SNRPN: variants seen among roughly 807,000 people sequenced by gnomAD.
The protein encoded by SNRPN is small nuclear ribonucleoprotein-associated protein N.
In SNRPN, 7 loss-of-function variants were observed where a neutral mutation model predicts 25.2. The ratio of observed to expected loss-of-function variants is 0.28; its 90% confidence interval spans 0.16 to 0.52. SNRPN has a LOEUF of 0.52. Among genes scored for constraint, SNRPN ranks in the 20% least tolerant of loss-of-function variants. The pLI, the probability that SNRPN is intolerant of heterozygous loss-of-function variation, is 0.96. For missense variants in SNRPN, 196 were observed against 322.5 expected (o/e 0.61, Z 3.00); for synonymous variants, 124 against 110.6 (o/e 1.12, Z -0.76).
intron 3 of SNRPN, among the ~76,000 whole-genome samples, chr15:24,936,137 A>G (rs111791898): frequency 0.11 from 16,428 of 151,778 alleles, 1,736 homozygotes; most frequent in African/African-American, 0.28. Context: ...AAATTGTGTT[A>G]TTTCTCCCTT....
At position 24,976,987 on chromosome 15, in the gene SNRPN, A is replaced by G; in HGVS notation, c.378A>G (p.Gly126=). 6.2e-7 allele frequency: 1 copy of G among 1,603,980 alleles called. No homozygotes were observed. The highest frequency in any genetic ancestry group is 1.1e-5 in the South Asian group (1 of 89,778). ...TGCCAATTCCCCAGGCCCCTGCTGG[A>G]TTGGCAGGCCCTGTCCGAGGAGTTG... ...AGVPIPQAPA[G]LAGPVRGVGG... Residue 126 remains glycine (G), a synonymous_variant, in exon 7 of 10, where the codon GGA becomes GGG. Transcript: ENST00000390687.
chr15:24,910,857 G>T, intron 2 of SNRPN: 1 of 585,464 alleles, frequency 1.7e-6, no homozygotes, highest in Non-Finnish European at 3.0e-6. Context: ...CACTCATCTT[G>T]ATTCAGGGTG....
At chr15:24,845,958 G>A (rs911957635) in intron 2 of SNRPN, among the ~76,000 whole-genome samples, 9 of 151,916 alleles carry the variant, frequency 5.9e-5, no homozygotes, top group African/African-American at 1.7e-4. Flanking sequence ...GGTGGCAAGC[G>A]CCTGTAATCC....
rs77666083 is a variant in SNRPN at position 24,842,659 on chromosome 15, C to G, written c.-579+12754C>G. On this transcript the variant is annotated intron_variant, in intron 2 of 12. Transcript: ENST00000400100. ...CCCAGCTCTCCTGGACAGTCCCTCC[C>G]TAACTAAAGATGTGACATTCCTTAG... 2.9e-3 allele frequency among the ~76,000 whole-genome samples: 435 copies of G among 152,320 alleles called. 1 individual carries two copies. The highest frequency in any genetic ancestry group is 0.01 in the African/African-American group (424 of 41,578).
intron 1 of SNRPN, among the ~76,000 whole-genome samples, chr15:24,880,142 C>T (rs554630823): frequency 5.9e-5 from 9 of 152,282 alleles, no homozygotes; most frequent in African/African-American, 2.2e-4. Flanking sequence ...GGACCTATGA[C>T]GACTCCTGGC....
chr15:24,889,527 G>A (rs929081650), intron 2 of SNRPN, among the ~76,000 whole-genome samples: 2 of 150,626 alleles, frequency 1.3e-5, no homozygotes, highest in African/African-American at 2.4e-5. Context: ...GGATGGTCTT[G>A]ATCTCCTGAC....
Position 24,967,946 on chromosome 15 carries a change from C to A in SNRPN, c.-280C>A. The A allele has an allele frequency of 6.2e-7, 1 of 1,613,902 alleles. No homozygotes were observed. The highest frequency in any genetic ancestry group is 8.5e-7 in the Non-Finnish European group (1 of 1,179,952). On this transcript the variant is annotated 5_prime_UTR_variant, in exon 3 of 10. Transcript: ENST00000390687. ...TCTTGTTGTAGGTGTCAGTTGTACC[C>A]GAGGCGTTCTCAGCAGCAGCAAGTA...
intron 1 of SNRPN, among the ~76,000 whole-genome samples, chr15:24,882,807 G>C (rs1194424484): frequency 1.8e-5 from 2 of 109,666 alleles, no homozygotes; most frequent in African/African-American, 7.4e-5. Context: ...TTGGGCGACA[G>C]AGCGAGACTC....
intron 3 of SNRPN, among the ~76,000 whole-genome samples, chr15:24,926,653 T>C (rs2152744371): frequency 6.6e-6 from 1 of 152,154 alleles, no homozygotes; most frequent in South Asian, 2.1e-4. Context: ...AATAGATGTA[T>C]CCATGCTATT....
intron 2 of SNRPN, among the ~76,000 whole-genome samples, chr15:24,914,816 T>C (rs1215566334): frequency 6.6e-6 from 1 of 152,104 alleles, no homozygotes; most frequent in African/African-American, 2.4e-5. Context: ...ACCATTGTGA[T>C]AGATACAGGG....
At chr15:24,957,506 AATC>A (rs2063124525) in intron 1 of SNRPN, among the ~76,000 whole-genome samples, 1 of 152,312 alleles carries the variant, frequency 6.6e-6, no homozygotes, top group African/African-American at 2.4e-5. Context: ...TTTTTTAAAA[AATC>A]ATTTTATTCT....
Position 24,851,170 on chromosome 15 carries a change from G to A in SNRPN, c.-579+21265G>A, listed in dbSNP as rs562863913. On this transcript the variant is annotated intron_variant, in intron 2 of 12. Coordinates refer to the SNRPN transcript ENST00000400100. The stretch of plus-strand genomic sequence containing the variant: ...TTTAGAGATTCATTAAATAATTTGT[G>A]AAATTTAAAATAAAGGAAAATATTC... The A allele has an allele frequency of 2.0e-5, 3 of 152,226 alleles. No individual in the cohort carries two copies. The South Asian group carries it at 6.2e-4, about 32-fold the overall frequency. The allele number at this position is 152,226 out of a possible 1,614,324, so 9.4% of individuals were successfully genotyped here.
At chr15:24,924,294 G>A (rs748964717) in intron 3 of SNRPN, among the ~76,000 whole-genome samples, 3 of 151,816 alleles carry the variant, frequency 2.0e-5, no homozygotes, top group African/African-American at 4.8e-5. Context: ...GGTAACTTAG[G>A]GGAGAGTAAA....
intron 2 of SNRPN, among the ~76,000 whole-genome samples, chr15:24,894,913 T>G (rs1404766835): frequency 6.6e-6 from 1 of 152,180 alleles, no homozygotes; most frequent in Non-Finnish European, 1.5e-5. Context: ...GACAGATTAA[T>G]GAGAGAAAAT....
rs2059845206 is a variant in SNRPN, at chr15:24,918,962, C to CGCACATATATATAACATAATATATATGT, written c.-504-1047_-504-1046insACATATATATAACATAATATATATGTGC. On this transcript the variant is annotated intron_variant, in intron 2 of 11. Coordinates refer to the SNRPN transcript ENST00000400097. ...ACATATATATAACATAATATATATG[C>CGCACATATATATAACATAATATATATGT]GCGCATATATATATAACATAATATA... is the stretch of plus-strand genomic sequence containing the variant. 2.0e-4 allele frequency among the ~76,000 whole-genome samples: 5 copies of CGCACATATATATAACATAATATATATGT among 24,704 alleles called. 2 individuals are homozygous for CGCACATATATATAACATAATATATATGT. The highest frequency in any genetic ancestry group is 2.0e-4 in the Non-Finnish European group (3 of 14,906). 16.2% of individuals were successfully genotyped at this position (24,704 alleles called of 152,430 possible).
At chr15:24,877,585 G>A (rs2056058051) in intron 1 of SNRPN, among the ~76,000 whole-genome samples, 1 of 152,224 alleles carries the variant, frequency 6.6e-6, no homozygotes, top group South Asian at 2.1e-4. Context: ...AGCACTTTGG[G>A]AGGCCAAGGC....
At chr15:24,948,131 A>T (rs12438669) in intron 3 of SNRPN, among the ~76,000 whole-genome samples, 2 of 151,636 alleles carry the variant, frequency 1.3e-5, no homozygotes, top group Non-Finnish European at 2.9e-5. Context: ...TTATGTTTTG[A>T]GATGGAGTCT....
At chr15:24,894,217 CTT>C (rs34191566) in intron 2 of SNRPN, among the ~76,000 whole-genome samples, 5 of 144,930 alleles carry the variant, frequency 3.4e-5, no homozygotes, top group Non-Finnish European at 3.0e-5. Context: ...AAGCCAAATT[CTT>C]TTTTTTTTTT....
intron 2 of SNRPN, among the ~76,000 whole-genome samples, chr15:24,917,621 G>T (rs1038918798): frequency 6.6e-6 from 1 of 152,218 alleles, no homozygotes; most frequent in East Asian, 1.9e-4. Flanking sequence ...GGTGACGTGT[G>T]GGGGCGCAGT....
Sources: gnomAD v4.1 joint callset for allele counts (sites outside exome capture counted in the v4.1 genomes callset) on GRCh38, gnomAD v4.1.1 for gene constraint, MANE v1.5 for transcripts, NCBI Gene and HGNC (gene_info 2026-07-23, HGNC 2026-07-21) for gene names.